The following ACOXL variants were observed in gnomAD, a reference collection of about 807,000 sequenced individuals.
ACOXL encodes the protein acyl-coenzyme A oxidase-like protein.
Under a neutral mutation model 71.9 loss-of-function variants are expected in ACOXL, and 70 were observed. The ratio of observed to expected loss-of-function variants is 0.97; its 90% CI spans 0.80 to 1.19. The LOEUF is 1.19. Among genes scored for constraint, ACOXL ranks in the 50% most tolerant of loss-of-function variants. The pLI is 0.00. For missense variants in ACOXL, 703 were observed against 736.3 expected, an observed-to-expected ratio of 0.95 and a Z score of 0.52; for synonymous variants, 253 against 281.6, an observed-to-expected ratio of 0.90 and a Z score of 1.02.
intron 1 of ACOXL, among the ~76,000 whole-genome samples, chr2:110,735,165 G>C (rs1244329132): frequency 6.6e-6 from 1 of 152,172 alleles, no homozygotes; most frequent in East Asian, 1.9e-4. Flanking sequence ...TAAAGATTCT[G>C]ATATCTATCT....
At chr2:110,879,385 TGATG>T (rs1417667460) in intron 10 of ACOXL, among the ~76,000 whole-genome samples, 2 of 151,996 alleles carry the variant, frequency 1.3e-5, no homozygotes, top group Non-Finnish European at 2.9e-5. Flanking sequence ...GAAGGAAAAA[TGATG>T]TAGCCTAGGA....
At chr2:110,957,753 T>G (rs79805980) in intron 12 of ACOXL, among the ~76,000 whole-genome samples, 1 of 152,120 alleles carries the variant, frequency 6.6e-6, no homozygotes. Context: ...AGTTAGGACT[T>G]CAACATAAGA....
intron 10 of ACOXL, among the ~76,000 whole-genome samples, chr2:110,889,946 A>G (rs565646372): frequency 7.4e-4 from 112 of 152,250 alleles, no homozygotes; most frequent in East Asian, 2.9e-3. Flanking sequence ...ATGTATTTCA[A>G]TTTCTCCACA....
At chr2:110,889,598 G>T (rs994504950) in intron 10 of ACOXL, among the ~76,000 whole-genome samples, 2 of 152,162 alleles carry the variant, frequency 1.3e-5, no homozygotes, top group Non-Finnish European at 2.9e-5. Context: ...ATAATAGGTG[G>T]TCTTTTGGAA....
intron 1 of ACOXL, among the ~76,000 whole-genome samples, chr2:110,746,633 C>G (rs747129210): frequency 6.6e-6 from 1 of 152,090 alleles, no homozygotes; most frequent in African/African-American, 2.4e-5. Context: ...ACCGTAGACG[C>G]CTGCAGAATT....
At chr2:111,058,304 C>T (rs1380265491) in intron 16 of ACOXL, among the ~76,000 whole-genome samples, 1 of 152,112 alleles carries the variant, frequency 6.6e-6, no homozygotes, top group Admixed American at 6.5e-5. Context: ...CGGAGAAATT[C>T]CATCAGGGAG....
intron 16 of ACOXL, among the ~76,000 whole-genome samples, chr2:111,049,701 T>C (rs1427265093): frequency 1.3e-5 from 2 of 152,202 alleles, no homozygotes; most frequent in African/African-American, 4.8e-5. Context: ...CCTTAAGGAA[T>C]GCTACACAAA....
At chr2:111,095,167 A>G (rs1290485603) in intron 17 of ACOXL, among the ~76,000 whole-genome samples, 2 of 149,880 alleles carry the variant, frequency 1.3e-5, no homozygotes, top group African/African-American at 4.9e-5. Flanking sequence ...TTTGAAGACT[A>G]TTTCCCACAA....
chr2:110,809,321 C>T (rs961049180), intron 9 of ACOXL, among the ~76,000 whole-genome samples: 2 of 152,210 alleles, frequency 1.3e-5, no homozygotes, highest in African/African-American at 2.4e-5. Context: ...TGGGAGTGTG[C>T]CCAGGGCTGG....
At chr2:110,890,119 G>A (rs1337177621) in intron 10 of ACOXL, among the ~76,000 whole-genome samples, 1 of 152,104 alleles carries the variant, frequency 6.6e-6, no homozygotes, top group East Asian at 1.9e-4. Flanking sequence ...AGAAAGGTCT[G>A]TTCAGATTCT....
At chr2:111,083,055 G>T (rs933964987) in intron 16 of ACOXL, among the ~76,000 whole-genome samples, 6 of 152,090 alleles carry the variant, frequency 3.9e-5, no homozygotes, top group Non-Finnish European at 7.4e-5. Context: ...TTAGGGGAGG[G>T]ATAGCATTAG....
intron 10 of ACOXL, among the ~76,000 whole-genome samples, chr2:110,874,769 G>A (rs1287790276): frequency 2.0e-5 from 3 of 152,140 alleles, no homozygotes; most frequent in Admixed American, 6.5e-5. Context: ...TAGAATGATT[G>A]GGTTTATTAT....
chr2:110,818,384 ACT>A (rs1225026614), intron 9 of ACOXL, among the ~76,000 whole-genome samples: 3 of 83,530 alleles, frequency 3.6e-5, no homozygotes, highest in Admixed American at 1.6e-4. Flanking sequence ...ACAGAGTGAG[ACT>A]CTGTCTCAAA....
At chr2:110,922,198 G>A (rs765897651) in intron 11 of ACOXL, among the ~76,000 whole-genome samples, 1 of 152,080 alleles carries the variant, frequency 6.6e-6, no homozygotes, top group African/African-American at 2.4e-5. Context: ...TTTTCCTCAA[G>A]TATTTTGAAA....
At chr2:110,997,744 A>G (rs968994040) in intron 14 of ACOXL, among the ~76,000 whole-genome samples, 1 of 152,242 alleles carries the variant, frequency 6.6e-6, no homozygotes. Context: ...AGCCAATACT[A>G]TATGTTTTTA....
intron 14 of ACOXL, among the ~76,000 whole-genome samples, chr2:111,006,663 A>T (rs1053886431): frequency 6.6e-6 from 1 of 151,522 alleles, no homozygotes; most frequent in African/African-American, 2.4e-5. Context: ...GGTACAAGCT[A>T]TTCTCTTGCC....
intron 9 of ACOXL, among the ~76,000 whole-genome samples, chr2:110,825,478 AG>A (rs991674795): frequency 6.6e-6 from 1 of 151,894 alleles, no homozygotes; most frequent in African/African-American, 2.4e-5. Context: ...TATTCATGGG[AG>A]GGTTGGTCTG....
At chr2:110,929,838 A>T (rs573602290) in intron 11 of ACOXL, among the ~76,000 whole-genome samples, 1 of 152,192 alleles carries the variant, frequency 6.6e-6, no homozygotes, top group Non-Finnish European at 1.5e-5. Context: ...GGCAGCTTCC[A>T]CATGGTGTTG....
At chr2:111,091,586 G>T (rs1042888073) in intron 16 of ACOXL, among the ~76,000 whole-genome samples, 13 of 152,246 alleles carry the variant, frequency 8.5e-5, no homozygotes, top group Admixed American at 6.5e-5. Flanking sequence ...AAGAATTTAT[G>T]TTTTCAGTAT....
Sources: allele counts gnomAD v4.1 joint callset (sites outside exome capture counted in the v4.1 genomes callset), GRCh38; gene constraint gnomAD v4.1.1; transcripts MANE v1.5; gene names NCBI Gene and HGNC (gene_info 2026-07-23, HGNC 2026-07-21).